The following XPR1 variants were observed in gnomAD, a reference collection of about 807,000 sequenced individuals.
XPR1 encodes the protein xenotropic and polytropic retrovirus receptor 1.
Under a neutral mutation model 87.5 loss-of-function variants are expected in XPR1, and 28 were observed. That is an observed-to-expected ratio of 0.32 (90% CI 0.24 to 0.44). The LOEUF is 0.44. Ranked by LOEUF, XPR1 falls within the 20% of genes least tolerant of loss-of-function variation. The pLI is 1.00. For synonymous variants in XPR1, 300 were observed against 306.1 expected, an observed-to-expected ratio of 0.98 and a Z score of 0.21; for missense variants, 559 against 862.3, an observed-to-expected ratio of 0.65 and a Z score of 4.41.
At chr1:180,833,100 G>A (rs61811224) in intron 9 of XPR1, among the ~76,000 whole-genome samples, 8,132 of 152,050 alleles carry the variant, frequency 0.053, 311 homozygotes, top group Non-Finnish European at 0.079. Flanking sequence ...GTATTCCTAG[G>A]TATTTTATTC....
At chr1:180,857,920 TA>T (rs1477809821) in intron 11 of XPR1, among the ~76,000 whole-genome samples, 2 of 152,156 alleles carry the variant, frequency 1.3e-5, no homozygotes, top group Non-Finnish European at 2.9e-5. Context: ...ATTTTTATTA[TA>T]AAAACAATAT....
chr1:180,722,406 CTT>C (rs1658206248), intron 2 of XPR1, among the ~76,000 whole-genome samples: 1 of 152,140 alleles, frequency 6.6e-6, no homozygotes, highest in Non-Finnish European at 1.5e-5. Context: ...TAAAATGTTA[CTT>C]TAAATTAACA....
intron 2 of XPR1, among the ~76,000 whole-genome samples, chr1:180,701,635 A>C (rs1657334414): frequency 7.3e-6 from 1 of 136,296 alleles, no homozygotes; most frequent in South Asian, 2.2e-4. Context: ...TTTATTGAGG[A>C]TTTTTGCATC....
At chr1:180,753,717 A>G (rs961253824) in intron 2 of XPR1, among the ~76,000 whole-genome samples, 7 of 152,300 alleles carry the variant, frequency 4.6e-5, no homozygotes, top group African/African-American at 1.2e-4. Flanking sequence ...AGTTTGATAT[A>G]TATCTATATA....
At chr1:180,723,371 T>C (rs893751123) in intron 2 of XPR1, among the ~76,000 whole-genome samples, 10 of 152,224 alleles carry the variant, frequency 6.6e-5, no homozygotes, top group African/African-American at 1.7e-4. Flanking sequence ...GTCAAAGTTA[T>C]ATACTCCAAT....
intron 1 of XPR1, among the ~76,000 whole-genome samples, chr1:180,645,810 A>T (rs778472051): frequency 2.0e-5 from 3 of 152,236 alleles, no homozygotes; most frequent in Non-Finnish European, 4.4e-5. Flanking sequence ...TGGATGACAC[A>T]GTACATAGAC....
rs978809174 is a variant in XPR1 at position 180,888,681 on chromosome 1, G to C, written c.*4615G>C. 1 of 152,272 alleles carries C rather than the reference G, an allele frequency of 6.6e-6. No homozygotes were observed. Among genetic ancestry groups the C allele is most frequent in the East Asian group, 1.9e-4 (1 of 5,180 alleles). The allele number at this position is 152,272 out of a possible 1,614,324, so 9.4% of individuals were successfully genotyped here. On this transcript the variant is annotated 3_prime_UTR_variant, in exon 15 of 15. Coordinates refer to ENST00000367590, the MANE Select transcript of XPR1 (RefSeq NM_004736.4). ...TGCTTGTGATCATTAGCTAAGACAA[G>C]GAGTGTTAAAGGTTTTCTAAATGCA...
intron 2 of XPR1, among the ~76,000 whole-genome samples, chr1:180,748,008 T>C (rs949127644): frequency 3.3e-5 from 5 of 152,372 alleles, no homozygotes; most frequent in Admixed American, 1.3e-4. Flanking sequence ...GAAAATCTTA[T>C]GTGAATCATA....
chr1:180,666,908 C>A (rs1655979360), intron 1 of XPR1, among the ~76,000 whole-genome samples: 1 of 151,648 alleles, frequency 6.6e-6, no homozygotes, highest in Admixed American at 6.6e-5. Flanking sequence ...TAGAGGAAAC[C>A]ATTTTCAGTC....
rs955786442 is a variant in XPR1, at chr1:180,817,575, C to T, written c.763+6087C>T. Among the ~76,000 whole-genome samples, 3 of 152,164 alleles carry T rather than the reference C, an allele frequency of 2.0e-5. No homozygotes were observed. In the South Asian group the frequency reaches 6.2e-4, roughly 31 times the overall value. ...TTACAATTGCCTACAGTATTCTGTA[C>T]AGTAACATGGTGGACAGGTTTATAG... On this transcript the variant is annotated intron_variant, in intron 7 of 14. Transcript: ENST00000367590.
intron 1 of XPR1, among the ~76,000 whole-genome samples, chr1:180,658,728 CTT>C (rs112053904): frequency 1.3e-4 from 18 of 140,624 alleles, no homozygotes; most frequent in African/African-American, 2.3e-4. Context: ...CCATGCCCAG[CTT>C]TTTTTTTTTT....
At chr1:180,855,247 C>T (rs1651990656) in intron 11 of XPR1, among the ~76,000 whole-genome samples, 1 of 152,148 alleles carries the variant, frequency 6.6e-6, no homozygotes, top group South Asian at 2.1e-4. Context: ...AGTATAAGCA[C>T]AAGCAAAATG....
intron 1 of XPR1, among the ~76,000 whole-genome samples, chr1:180,661,539 G>T (rs898966458): frequency 6.7e-6 from 1 of 149,760 alleles, no homozygotes; most frequent in Non-Finnish European, 1.5e-5. Flanking sequence ...TTGATTTGAG[G>T]TTACCATGAG....
intron 1 of XPR1, among the ~76,000 whole-genome samples, chr1:180,654,920 G>A (rs187813141): frequency 5.3e-5 from 8 of 152,114 alleles, no homozygotes; most frequent in Admixed American, 6.5e-5. Context: ...CCTGGTTTCA[G>A]TACCTTTGGG....
intron 1 of XPR1, among the ~76,000 whole-genome samples, chr1:180,650,503 C>G (rs532615655): frequency 6.6e-6 from 1 of 152,240 alleles, no homozygotes; most frequent in African/African-American, 2.4e-5. Context: ...GTCTCAATGC[C>G]CTTTACCTCT....
intron 2 of XPR1, among the ~76,000 whole-genome samples, chr1:180,698,773 G>A (rs1657252372): frequency 1.3e-5 from 2 of 152,100 alleles, no homozygotes; most frequent in African/African-American, 4.8e-5. Context: ...GGATGGCTTT[G>A]TTGGGCATAG....
intron 2 of XPR1, among the ~76,000 whole-genome samples, chr1:180,722,072 G>A (rs923126987): frequency 2.0e-5 from 3 of 151,898 alleles, no homozygotes; most frequent in Non-Finnish European, 4.4e-5. Flanking sequence ...AAACCATCCT[G>A]GGCAAGGTGG....
At chr1:180,727,472 TGCCTCTACTAG>T (rs1322642430) in intron 2 of XPR1, among the ~76,000 whole-genome samples, 10 of 152,214 alleles carry the variant, frequency 6.6e-5, no homozygotes, top group African/African-American at 2.2e-4. Context: ...GGTGAAACCC[TGCCTCTACTAG>T]AAATGCAAGA....
At chr1:180,849,795 T>C (rs1432832908) in intron 11 of XPR1, among the ~76,000 whole-genome samples, 1 of 152,096 alleles carries the variant, frequency 6.6e-6, no homozygotes, top group Non-Finnish European at 1.5e-5. Flanking sequence ...TAAGGACATA[T>C]GTGTAAGTTT....
Sources: gnomAD v4.1 joint callset for allele counts (sites outside exome capture counted in the v4.1 genomes callset) on GRCh38, gnomAD v4.1.1 for gene constraint, MANE v1.5 for transcripts, NCBI Gene and HGNC (gene_info 2026-07-23, HGNC 2026-07-21) for gene names.